Variants in CD59 observed in about 807,000 individuals in gnomAD.
CD59 encodes CD59 molecule (CD59 blood group), also known as CD59 glycoprotein.
Under a neutral mutation model 7.0 loss-of-function variants are expected in CD59, and 3 were observed. That is an observed-to-expected ratio of 0.43 (90% CI 0.19 to 1.10). CD59 has a LOEUF of 1.10. Ranked by LOEUF, CD59 falls within the 50% of genes least tolerant of loss-of-function variation. CD59 has a pLI of 0.29. For synonymous variants in CD59, 60 were observed against 62.0 expected (o/e 0.97, Z 0.15); for missense variants, 143 against 151.0 (o/e 0.95, Z 0.28).
intron 1 of CD59, among the ~76,000 whole-genome samples, chr11:33,734,258 G>T (rs1854500865): frequency 2.0e-5 from 3 of 152,196 alleles, no homozygotes; most frequent in Non-Finnish European, 4.4e-5. Flanking sequence ...AACGGAAAAG[G>T]CTTTCCAATC....
At chr11:33,725,963 T>C (rs1854244330) in intron 1 of CD59, among the ~76,000 whole-genome samples, 1 of 152,192 alleles carries the variant, frequency 6.6e-6, no homozygotes, top group Admixed American at 6.5e-5. Flanking sequence ...AGGAGATCAA[T>C]GCAACAAGAA....
At chr11:33,716,213 T>A (rs1232453118) in intron 3 of CD59, among the ~76,000 whole-genome samples, 2 of 152,246 alleles carry the variant, frequency 1.3e-5, no homozygotes, top group African/African-American at 2.4e-5. Context: ...TCCAGCTAAA[T>A]ATATCAAAAT....
At chr11:33,729,207 G>T (rs1182144715) in intron 1 of CD59, among the ~76,000 whole-genome samples, 1 of 152,126 alleles carries the variant, frequency 6.6e-6, no homozygotes, top group African/African-American at 2.4e-5. Context: ...ACATGCACAC[G>T]TATGCTTATT....
intron 1 of CD59, among the ~76,000 whole-genome samples, chr11:33,724,996 G>A (rs570042818): frequency 2.6e-5 from 4 of 152,098 alleles, no homozygotes; most frequent in South Asian, 2.1e-4. Flanking sequence ...GGAGGAGGGC[G>A]GGAGGCAGAA....
chr11:33,722,922 A>C lies in CD59; in HGVS notation c.-18-459T>G, dbSNP rs984303810. 5.5e-6 allele frequency: 6 copies of C among 1,083,376 alleles called. No individual in the cohort carries two copies. The African/African-American group carries it at 9.8e-5, about 18-fold the overall frequency. The allele number at this position is 1,083,376 out of a possible 1,614,324, so 67.1% of individuals were successfully genotyped here. A position where few individuals can be genotyped will look rare whatever the true frequency, so the allele number is the denominator to read the frequency against. On this transcript the variant is annotated intron_variant, in intron 1 of 3. Transcript: ENST00000642928. ...GGAGCAATGGCTTAGCATACCTGGA[A>C]GCTCTGGCTCCTCACTGTAAGAAGT... is the stretch of plus-strand genomic sequence containing the variant.
chr11:33,725,613 TAAGTTGACTCTA>T (rs974974513), intron 1 of CD59, among the ~76,000 whole-genome samples: 1 of 152,216 alleles, frequency 6.6e-6, no homozygotes, highest in Non-Finnish European at 1.5e-5. Context: ...GGGTGGTGCG[TAAGTTGACTCTA>T]AAGTCATTTC....
In CD59 at chr11:33,717,484, A is replaced by C; in HGVS notation, c.68-13T>G. 1 of 1,558,266 alleles carries C rather than the reference A, an allele frequency of 6.4e-7. No individual in the cohort carries two copies. The highest frequency in any genetic ancestry group is 1.1e-5 in the South Asian group (1 of 89,706). The stretch of plus-strand genomic sequence containing the variant: ...TGCAGGCTATGACCTAGAATCAGGA[A>C]GAAAGTCAGGATCTCTTAAAGCAGC... On this transcript the variant is annotated splice_polypyrimidine_tract_variant and intron_variant, in intron 2 of 3. Transcript: ENST00000642928.
intron 1 of CD59, chr11:33,722,679 A>C (rs1854125726): frequency 2.2e-6 from 3 of 1,357,546 alleles, no homozygotes; most frequent in African/African-American, 2.9e-5. Context: ...GTGTACTACC[A>C]CACTGTGGGA....
intron 2 of CD59, among the ~76,000 whole-genome samples, chr11:33,721,894 C>T (rs772782557): frequency 2.0e-5 from 3 of 152,196 alleles, no homozygotes; most frequent in South Asian, 2.1e-4. Flanking sequence ...AGCAAATACA[C>T]GTAAAATGCT....
rs924570250 is a variant in CD59 at position 33,708,088 on chromosome 11, G to A, written c.*2038C>T. ...TGCCACAGCCCTCTCCAGCCAGGAGGGCCTGGAGTACCTGGGGTGCTGTTT... is the reference window on the plus strand; with the variant it reads ...TGCCACAGCCCTCTCCAGCCAGGAGAGCCTGGAGTACCTGGGGTGCTGTTT... On this transcript the variant is annotated 3_prime_UTR_variant, in exon 4 of 4. Transcript: ENST00000642928. The A allele has an allele frequency of 2.0e-5, 3 of 152,294 alleles. 1 individual carries two copies. The East Asian group carries it at 5.8e-4, about 29-fold the overall frequency. 9.4% of individuals were successfully genotyped at this position (152,294 alleles called of 1,614,324 possible).
At position 33,710,225 on chromosome 11, in the gene CD59, A is replaced by G. The variant is rs200170584; in HGVS notation, c.288T>C (p.Phe96=). Residue 96 remains phenylalanine, a synonymous_variant, in exon 4 of 4, where the codon TTT becomes TTC. Coordinates refer to ENST00000642928, the MANE Select transcript of CD59 (RefSeq NM_000611.6). The part of the protein sequence containing the change: ...YYCCKKDLCN[F]NEQLENGGTS... ...TCCCACCATTTTCAAGCTGTTCGTT[A>G]AAGTTACACAGGTCCTTCTTGCAGC... 99 of 1,614,178 alleles carry G rather than the reference A, an allele frequency of 6.1e-5. No individual in the cohort carries two copies. The highest frequency in any genetic ancestry group is 8.3e-5 in the Non-Finnish European group (98 of 1,180,004).
chr11:33,735,943 C>T (rs1313239539), intron 1 of CD59, among the ~76,000 whole-genome samples: 1 of 151,788 alleles, frequency 6.6e-6, no homozygotes, highest in African/African-American at 2.4e-5. Flanking sequence ...TTTCGCCCGA[C>T]ACCTGCTTTT....
chr11:33,720,096 G>A (rs1338337798), intron 2 of CD59, among the ~76,000 whole-genome samples: 1 of 152,188 alleles, frequency 6.6e-6, no homozygotes, highest in Non-Finnish European at 1.5e-5. Flanking sequence ...TGGAACGTCT[G>A]TGGGCAAAAA....
At chr11:33,721,882 T>C (rs897245131) in intron 2 of CD59, among the ~76,000 whole-genome samples, 2 of 152,198 alleles carry the variant, frequency 1.3e-5, no homozygotes, top group African/African-American at 4.8e-5. Context: ...GAGGATTAAA[T>C]AAGCAAATAC....
intron 1 of CD59, chr11:33,733,701 A>G (rs1458182225): frequency 6.6e-6 from 1 of 152,236 alleles, no homozygotes; most frequent in African/African-American, 2.4e-5. Flanking sequence ...CCCAGGTCTA[A>G]GCTCTGAGTG....
Position 33,709,844 on chromosome 11 carries a change from G to T in CD59, c.*282C>A. On this transcript the variant is annotated 3_prime_UTR_variant, in exon 4 of 4. Transcript: ENST00000642928. ...CAGAGAACCCACTCAAGCTGTCACTGCAAAGCTGGTCTTCCCAAGAGCAAA... is the reference window on the plus strand; with the variant it reads ...CAGAGAACCCACTCAAGCTGTCACTTCAAAGCTGGTCTTCCCAAGAGCAAA... 1.8e-6 allele frequency: 1 copy of T among 545,396 alleles called. No homozygotes were observed. 33.8% of individuals were successfully genotyped at this position (545,396 alleles called of 1,614,324 possible).
At chr11:33,734,831 G>A (rs926373343) in intron 1 of CD59, among the ~76,000 whole-genome samples, 11 of 152,176 alleles carry the variant, frequency 7.2e-5, no homozygotes, top group Admixed American at 7.2e-4. Context: ...TTAAAGAGGT[G>A]GCCCAGAATT....
chr11:33,720,040 T>G (rs535362993), intron 2 of CD59, among the ~76,000 whole-genome samples: 32 of 152,312 alleles, frequency 2.1e-4, no homozygotes, highest in Non-Finnish European at 3.4e-4. Context: ...CCGGGCTCAT[T>G]TGGCCTCTTA....
intron 1 of CD59, among the ~76,000 whole-genome samples, chr11:33,724,214 G>T (rs1379451415): frequency 6.6e-6 from 1 of 152,258 alleles, no homozygotes; most frequent in Non-Finnish European, 1.5e-5. Flanking sequence ...AAGGTGTCAG[G>T]CTGGCAGGAG....
Sources: gnomAD v4.1 joint callset for allele counts (sites outside exome capture counted in the v4.1 genomes callset) on GRCh38, gnomAD v4.1.1 for gene constraint, MANE v1.5 for transcripts, NCBI Gene and HGNC (gene_info 2026-07-23, HGNC 2026-07-21) for gene names.